Variants in GPC6 observed in about 807,000 individuals in gnomAD.
GPC6 encodes glypican-6.
A neutral mutation model predicts 55.2 loss-of-function variants in GPC6; 14 were observed. The ratio of observed to expected loss-of-function variants is 0.25; its 90% CI spans 0.17 to 0.40. The LOEUF is 0.40. GPC6 is among the 10% of genes least tolerant of loss of function. The probability of loss-of-function intolerance (pLI) is 1.00; values close to 1 mark genes in which losing one functional copy is unlikely to be tolerated. For synonymous variants in GPC6, 278 were observed against 259.6 expected, an observed-to-expected ratio of 1.07 and a Z score of -0.68; for missense variants, 641 against 708.5, an observed-to-expected ratio of 0.90 and a Z score of 1.08.
intron 1 of GPC6, among the ~76,000 whole-genome samples, chr13:93,485,166 C>T (rs952968791): frequency 2.6e-5 from 4 of 151,954 alleles, no homozygotes; most frequent in African/African-American, 7.3e-5. Context: ...TTTTAAAATA[C>T]GACTAAAATT....
chr13:94,395,522 CA>C (rs1461044532), intron 7 of GPC6, among the ~76,000 whole-genome samples: 1 of 152,074 alleles, frequency 6.6e-6, no homozygotes, highest in Non-Finnish European at 1.5e-5. Flanking sequence ...ATGAGTAAAC[CA>C]ATTCATACAC....
At chr13:94,395,839 C>T (rs979603156) in intron 7 of GPC6, among the ~76,000 whole-genome samples, 1 of 152,200 alleles carries the variant, frequency 6.6e-6, no homozygotes, top group African/African-American at 2.4e-5. Flanking sequence ...AGCTGGATGT[C>T]CTGATTCCCT....
At chr13:93,245,399 A>G (rs768914936) in intron 1 of GPC6, among the ~76,000 whole-genome samples, 4 of 151,924 alleles carry the variant, frequency 2.6e-5, no homozygotes, top group Non-Finnish European at 5.9e-5. Context: ...CCTAATTTAG[A>G]TGTGCTCCCA....
At chr13:93,760,026 A>AAAC (rs386380264) in intron 2 of GPC6, among the ~76,000 whole-genome samples, 9 of 426 alleles carry the variant, frequency 0.021, no homozygotes, top group African/African-American at 0.13. Context: ...CTGAGAAAAC[A>AAAC]AAAAAAAAAA....
At chr13:93,459,889 C>G (rs920027287) in intron 1 of GPC6, among the ~76,000 whole-genome samples, 1 of 152,154 alleles carries the variant, frequency 6.6e-6, no homozygotes, top group Non-Finnish European at 1.5e-5. Context: ...CATGTGGTAT[C>G]TAAAATTAGG....
At chr13:93,453,462 T>C (rs1245839092) in intron 1 of GPC6, among the ~76,000 whole-genome samples, 4 of 151,882 alleles carry the variant, frequency 2.6e-5, no homozygotes, top group African/African-American at 7.3e-5. Flanking sequence ...GTAAATCTCA[T>C]AAGTAACTTT....
At position 93,845,597 on chromosome 13, in the gene GPC6, T is replaced by C. The variant is rs1418330742; in HGVS notation, c.711+15052T>C. On this transcript the variant is annotated intron_variant, in intron 3 of 8. Coordinates refer to ENST00000377047, the MANE Select transcript of GPC6 (RefSeq NM_005708.5). Reference sequence around the variant, plus strand: ...TGGAACCAACCCAAATGTCCAATAATGATAGACTGGATTAAGAAAATGTGG... The same window carrying C: ...TGGAACCAACCCAAATGTCCAATAACGATAGACTGGATTAAGAAAATGTGG... 1.4e-3 allele frequency among the ~76,000 whole-genome samples: 201 copies of C among 142,242 alleles called. 1 individual carries two copies. Among genetic ancestry groups the C allele is most frequent in the African/African-American group, 5.2e-3 (195 of 37,462 alleles). The allele number at this position is 142,242 out of a possible 152,430, so 93.3% of individuals were successfully genotyped here.
chr13:93,507,402 C>T (rs982929295), intron 1 of GPC6, among the ~76,000 whole-genome samples: 2 of 152,096 alleles, frequency 1.3e-5, no homozygotes, highest in African/African-American at 4.8e-5. Context: ...ATCTTTTAAT[C>T]AACGAAGATG....
chr13:93,307,751 T>C lies in GPC6; in HGVS notation c.160+80135T>C, dbSNP rs546765548. Among the ~76,000 whole-genome samples the C allele has an allele frequency of 1.8e-4, 27 of 152,252 alleles. No homozygotes were observed. The East Asian group carries it at 4.6e-3, about 26-fold the overall frequency. On this transcript the variant is annotated intron_variant, in intron 1 of 8. Coordinates refer to ENST00000377047, the MANE Select transcript of GPC6 (RefSeq NM_005708.5). ...TAATACTTATTTTTATGACAAAAGA[T>C]CTTTTGAGATCTATTGTAAAACTAT...
chr13:93,992,954 T>C (rs1156900482), intron 3 of GPC6, among the ~76,000 whole-genome samples: 1 of 152,196 alleles, frequency 6.6e-6, no homozygotes, highest in Non-Finnish European at 1.5e-5. Flanking sequence ...GCAGGCCTCA[T>C]TGAGAATTCT....
chr13:93,575,866 G>A (rs192631714), intron 2 of GPC6, among the ~76,000 whole-genome samples: 84 of 151,858 alleles, frequency 5.5e-4, no homozygotes, highest in African/African-American at 1.9e-3. Flanking sequence ...CTATTTTAAG[G>A]GAGTCTCCAA....
At chr13:93,289,070 G>C (rs972780047) in intron 1 of GPC6, among the ~76,000 whole-genome samples, 1 of 152,122 alleles carries the variant, frequency 6.6e-6, no homozygotes, top group South Asian at 2.1e-4. Flanking sequence ...AAGAGACCAG[G>C]GTTAAGAGTG....
At chr13:93,421,245 A>T (rs1876911744) in intron 1 of GPC6, among the ~76,000 whole-genome samples, 1 of 152,124 alleles carries the variant, frequency 6.6e-6, no homozygotes, top group Non-Finnish European at 1.5e-5. Flanking sequence ...TGTGTCAACT[A>T]TTAATGTTTC....
At chr13:93,681,071 T>C (rs1229709333) in intron 2 of GPC6, among the ~76,000 whole-genome samples, 1 of 152,186 alleles carries the variant, frequency 6.6e-6, no homozygotes, top group Non-Finnish European at 1.5e-5. Context: ...ATTACATTTG[T>C]CATTATTCTT....
At chr13:93,861,596 T>A (rs2139026809) in intron 3 of GPC6, among the ~76,000 whole-genome samples, 1 of 151,778 alleles carries the variant, frequency 6.6e-6, no homozygotes, top group African/African-American at 2.4e-5. Flanking sequence ...TTCTGGCACC[T>A]GGTGTCATTT....
chr13:93,856,018 G>A (rs1248920841), intron 3 of GPC6, among the ~76,000 whole-genome samples: 1 of 151,540 alleles, frequency 6.6e-6, no homozygotes, highest in Non-Finnish European at 1.5e-5. Context: ...CTTTCACAGA[G>A]CAGTTTTTAA....
intron 2 of GPC6, among the ~76,000 whole-genome samples, chr13:93,671,263 C>T (rs1164962484): frequency 1.3e-5 from 2 of 151,940 alleles, no homozygotes; most frequent in Non-Finnish European, 2.9e-5. Flanking sequence ...TGTTTAGGCA[C>T]TGAAACTTTT....
At chr13:93,464,954 A>G (rs1021844411) in intron 1 of GPC6, among the ~76,000 whole-genome samples, 1 of 152,190 alleles carries the variant, frequency 6.6e-6, no homozygotes, top group African/African-American at 2.4e-5. Context: ...AACAACATGT[A>G]CCTCTCTGTC....
chr13:94,306,031 C>A lies in GPC6; in HGVS notation c.1060C>A (p.Arg354Ser). ...PKPAPALRSA[R>S]SAPENFNTRF... ...ACCTGCTCCAGCCCTCAGATCTGCC[C>A]GCTCAGCTCCTGAAAATTTTAATAC... Residue 354 changes from arginine to serine, a missense_variant, in exon 6 of 9, where the codon CGC (arginine) becomes AGC (serine). Transcript: ENST00000377047. 1 of 1,614,106 alleles carries A rather than the reference C, an allele frequency of 6.2e-7. No individual in the cohort carries two copies. The highest frequency in any genetic ancestry group is 8.5e-7 in the Non-Finnish European group (1 of 1,179,960).
Sources: allele counts gnomAD v4.1 joint callset (sites outside exome capture counted in the v4.1 genomes callset), GRCh38; gene constraint gnomAD v4.1.1; transcripts MANE v1.5; gene names NCBI Gene and HGNC (gene_info 2026-07-23, HGNC 2026-07-21).